Variants in PTPRS observed in about 807,000 individuals in gnomAD.
PTPRS encodes the protein protein tyrosine phosphatase receptor type S, also known as receptor-type tyrosine-protein phosphatase S.
In PTPRS, 63 loss-of-function variants were observed where a neutral mutation model predicts 215.3. That is an observed-to-expected ratio of 0.29 (90% CI 0.24 to 0.36). The LOEUF is 0.36. PTPRS is among the 10% of genes least tolerant of loss of function. The pLI, the probability that PTPRS is intolerant of heterozygous loss-of-function variation, is 1.00. For synonymous variants in PTPRS, 1,404 were observed against 1,191.4 expected, an observed-to-expected ratio of 1.18 and a Z score of -3.68; for missense variants, 2,258 against 2,825.8, an observed-to-expected ratio of 0.80 and a Z score of 4.56.
At chr19:5,286,913 CCA>C (rs1423561696) in intron 1 of PTPRS, among the ~76,000 whole-genome samples, 3 of 152,056 alleles carry the variant, frequency 2.0e-5, no homozygotes, top group Non-Finnish European at 4.4e-5. Flanking sequence ...GTGCTGAGCC[CCA>C]GTTTTCTCCA....
At chr19:5,240,053 G>C (rs2043889735) in intron 12 of PTPRS, 146 bp downstream of exon 12, 1 of 987,130 alleles carries the variant, frequency 1.0e-6, no homozygotes, top group Non-Finnish European at 1.4e-6. Context: ...CAAAGGGACA[G>C]AGACGCAGGA....
rs542908096 is a variant in PTPRS, at chr19:5,211,377, G to A, written c.5234+213C>T. Among the ~76,000 whole-genome samples, 3 of 152,274 alleles carry A rather than the reference G, an allele frequency of 2.0e-5. No homozygotes were observed. The East Asian group carries it at 5.8e-4, about 29-fold the overall frequency. ...TTGAGAACCACTGATAGAACAGATG[G>A]AATCACATTATGGACAGCAGCCATC... On this transcript the variant is annotated intron_variant, in intron 33 of 37. Coordinates refer to ENST00000262963, the MANE Select transcript of PTPRS (RefSeq NM_002850.4).
chr19:5,310,293 C>T (rs1268514921), intron 1 of PTPRS, among the ~76,000 whole-genome samples: 1 of 151,858 alleles, frequency 6.6e-6, no homozygotes, highest in Non-Finnish European at 1.5e-5. Context: ...CTGCCACCAA[C>T]CAATTCCTCT....
intron 2 of PTPRS, among the ~76,000 whole-genome samples, chr19:5,277,075 T>TTTTA (rs1374457126): frequency 2.3e-5 from 3 of 127,938 alleles, no homozygotes; most frequent in East Asian, 2.5e-4. Flanking sequence ...TTTTTTTTTT[T>TTTTA]AAGAGACTGA....
intron 5 of PTPRS, among the ~76,000 whole-genome samples, chr19:5,263,354 G>A (rs901039140): frequency 1.3e-5 from 2 of 152,224 alleles, no homozygotes; most frequent in African/African-American, 2.4e-5. Flanking sequence ...TGGGCTCCAC[G>A]TCTGATCTTT....
chr19:5,238,759 C>A (rs1051918148), intron 13 of PTPRS, among the ~76,000 whole-genome samples, 160 bp downstream of exon 13: 2 of 152,212 alleles, frequency 1.3e-5, no homozygotes, highest in Non-Finnish European at 2.9e-5. Flanking sequence ...AGGCACAGCG[C>A]GGGTAGATGG....
chr19:5,316,311 G>A (rs2049874419), intron 1 of PTPRS, among the ~76,000 whole-genome samples: 1 of 152,210 alleles, frequency 6.6e-6, no homozygotes, highest in African/African-American at 2.4e-5. Context: ...AATGGTTCAT[G>A]TTTCCTGAAA....
chr19:5,276,505 G>A (rs2047374331), intron 2 of PTPRS, among the ~76,000 whole-genome samples: 1 of 151,242 alleles, frequency 6.6e-6, no homozygotes, highest in African/African-American at 2.4e-5. Flanking sequence ...TTACAGGTGT[G>A]AGCCACTGCG....
chr19:5,323,628 G>A (rs62115123), intron 1 of PTPRS, among the ~76,000 whole-genome samples: 9,910 of 152,354 alleles, frequency 0.065, 457 homozygotes, highest in Non-Finnish European at 0.1. Flanking sequence ...ACAGCGAGGA[G>A]GCCCGTGTGG....
intron 4 of PTPRS, among the ~76,000 whole-genome samples, chr19:5,271,496 C>G (rs1021012036): frequency 6.6e-6 from 1 of 150,808 alleles, no homozygotes; most frequent in East Asian, 2.0e-4. Context: ...CTCCCAGGTT[C>G]AAACGATCCT....
intron 30 of PTPRS, among the ~76,000 whole-genome samples, chr19:5,213,606 G>A (rs957829250): frequency 6.6e-6 from 1 of 152,164 alleles, no homozygotes; most frequent in Non-Finnish European, 1.5e-5. Context: ...TCCCTGTTGT[G>A]TGCTTGTGTC....
rs1348196246 is a variant in PTPRS, at chr19:5,221,155, G to A, written c.3300C>T (p.Thr1100=). 2.5e-6 allele frequency: 4 copies of A among 1,614,038 alleles called. No individual in the cohort carries two copies. Among genetic ancestry groups the A allele is most frequent in the East Asian group, 4.5e-5 (2 of 44,868 alleles). The part of the protein sequence containing the change: ...KPHTFYNFVL[T]NRGSSLGGLQ... ...GGCCGCCCAGGCTGCTGCCGCGATT[G>A]GTCAGCACAAAGTTGTAGAAGGTGT... The change falls in exon 20 of 38, where the codon ACC becomes ACT. Residue 1100 remains threonine (T), a synonymous_variant. Transcript: ENST00000262963.
At chr19:5,328,026 G>C (rs1412687928) in intron 1 of PTPRS, among the ~76,000 whole-genome samples, 1 of 152,136 alleles carries the variant, frequency 6.6e-6, no homozygotes, top group Non-Finnish European at 1.5e-5. Flanking sequence ...AGAGTTCCCT[G>C]ACCTCCTGAC....
At chr19:5,214,957 G>A (rs1267088502) in intron 28 of PTPRS, among the ~76,000 whole-genome samples, 6 of 152,254 alleles carry the variant, frequency 3.9e-5, no homozygotes, top group African/African-American at 9.6e-5. Context: ...AGGGTGCTGA[G>A]CAGCATCCCT....
intron 7 of PTPRS, among the ~76,000 whole-genome samples, chr19:5,259,624 G>A (rs1386769120): frequency 6.6e-6 from 1 of 152,154 alleles, no homozygotes; most frequent in Non-Finnish European, 1.5e-5. Flanking sequence ...ACATATCTAA[G>A]TATGTTTGAA....
rs1129626 is a variant in PTPRS at position 5,205,707 on chromosome 19, C to T, written c.*1067G>A. 0.78 allele frequency among the ~76,000 whole-genome samples: 119,076 copies of T among 152,002 alleles called. 47,567 individuals are homozygous for T. Among genetic ancestry groups the T allele is most frequent in the African/African-American group, 0.95 (39,330 of 41,494 alleles). On this transcript the variant is annotated 3_prime_UTR_variant, in exon 38 of 38. Coordinates refer to ENST00000262963, the MANE Select transcript of PTPRS (RefSeq NM_002850.4). ...CTGGTTTTGCTCCCAAACTGCCCCA[C>T]AGTCCCAGGGGGAAAGGGTCCCTGA...
chr19:5,320,266 C>G (rs2049990023), intron 1 of PTPRS, among the ~76,000 whole-genome samples: 1 of 152,188 alleles, frequency 6.6e-6, no homozygotes, highest in Admixed American at 6.5e-5. Flanking sequence ...CTTGGCTGGA[C>G]AGGTCCCTCC....
Position 5,214,607 on chromosome 19 carries a change from C to T in PTPRS, c.4448G>A (p.Arg1483Gln), listed in dbSNP as rs767215087. ...GDFWRMVWEQ[R>Q]SATIVMMTRL... ...CGTCATCATGACGATGGTCGCCGAC[C>T]GCTGCTCCCACACCATACGCCAGAA... Residue 1483 changes from arginine (R) to glutamine (Q), a missense_variant, in exon 29 of 38, where the codon CGG becomes CAG. Physicochemically the swap from Arg to Gln is conservative, Grantham distance 43. Around this residue, in one of 6 missense-constraint regions of PTPRS, gnomAD observed 927 missense variants for 1,125.9 expected, o/e 0.82. Coordinates refer to ENST00000262963, the MANE Select transcript of PTPRS (RefSeq NM_002850.4). 14 of 1,612,630 alleles carry T rather than the reference C, an allele frequency of 8.7e-6. No individual in the cohort carries two copies. The highest frequency in any genetic ancestry group is 4.4e-5 in the South Asian group (4 of 91,080).
chr19:5,206,003 A>G lies in PTPRS; in HGVS notation c.*771T>C, dbSNP rs1008902841. Among the ~76,000 whole-genome samples the G allele has an allele frequency of 6.6e-6, 1 of 151,762 alleles. No individual in the cohort carries two copies. The highest frequency in any genetic ancestry group is 6.6e-5 in the Admixed American group (1 of 15,214). ...GGGGGAAAAAAAAAGCCAAGAAAGA[A>G]AAAAGGACATCCCATTCTTCTGTGA... is the stretch of plus-strand genomic sequence containing the variant. On this transcript the variant is annotated 3_prime_UTR_variant, in exon 38 of 38. Coordinates refer to ENST00000262963, the MANE Select transcript of PTPRS (RefSeq NM_002850.4).
Sources: allele counts gnomAD v4.1 joint callset (sites outside exome capture counted in the v4.1 genomes callset), GRCh38; gene constraint gnomAD v4.1.1; regional missense constraint gnomAD v4.1.1; transcripts MANE v1.5; gene names NCBI Gene and HGNC (gene_info 2026-07-23, HGNC 2026-07-21).